MGAT5: variants seen among roughly 807,000 people sequenced by gnomAD.
MGAT5 encodes the protein alpha-1,6-mannosylglycoprotein 6-beta-N-acetylglucosaminyltransferase.
In MGAT5, 30 loss-of-function variants were observed where a neutral mutation model predicts 94.3. The ratio of observed to expected loss-of-function variants is 0.32; its 90% CI spans 0.24 to 0.43. The LOEUF (loss-of-function observed/expected upper bound fraction) is 0.43, where lower values mean the gene tolerates loss of function less well. Among genes scored for constraint, MGAT5 ranks in the 20% least tolerant of loss-of-function variants. The probability of loss-of-function intolerance (pLI) is 1.00; values close to 1 mark genes in which losing one functional copy is unlikely to be tolerated. For missense variants in MGAT5, 691 were observed against 905.5 expected, an observed-to-expected ratio of 0.76 and a Z score of 3.04; for synonymous variants, 310 against 322.9, an observed-to-expected ratio of 0.96 and a Z score of 0.43.
At chr2:134,279,435 G>A (rs1444359898) in intron 2 of MGAT5, among the ~76,000 whole-genome samples, 1 of 152,156 alleles carries the variant, frequency 6.6e-6, no homozygotes, top group East Asian at 1.9e-4. Context: ...CTACCTGAGA[G>A]GTTGCTTTGA....
At chr2:134,396,984 T>A (rs1682750978) in intron 10 of MGAT5, among the ~76,000 whole-genome samples, 1 of 152,186 alleles carries the variant, frequency 6.6e-6, no homozygotes, top group African/African-American at 2.4e-5. Flanking sequence ...TTTTGGGCAT[T>A]AGCAGTGGCA....
intron 1 of MGAT5, among the ~76,000 whole-genome samples, chr2:134,263,083 C>A (rs1212329015): frequency 5.9e-5 from 9 of 152,144 alleles, no homozygotes; most frequent in Non-Finnish European, 1.0e-4. Context: ...AAGCAGGAAG[C>A]AGTAGTGTGC....
chr2:134,125,837 C>T (rs1685815137), intron 1 of MGAT5, among the ~76,000 whole-genome samples: 1 of 152,180 alleles, frequency 6.6e-6, no homozygotes, highest in Admixed American at 6.5e-5. Context: ...GGTTCCCTTT[C>T]TCATGTCACC....
chr2:134,387,332 A>ATATTTTTT lies in MGAT5; in HGVS notation c.1381-15655_1381-15654insATTTTTTT. On this transcript the variant is annotated intron_variant, in intron 10 of 15. Transcript: ENST00000281923. Reference sequence around the variant, plus strand: ...TATATATATATATATATATATATATATTTTTTTTTTTTTTTTTTTTTACCA... The same window carrying ATATTTTTT: ...TATATATATATATATATATATATATATATTTTTTTTTTTTTTTTTTTTTTTTTTTACCA... Among the ~76,000 whole-genome samples, 15 of 24,264 alleles carry ATATTTTTT rather than the reference A, an allele frequency of 6.2e-4. 1 individual carries two copies. The highest frequency in any genetic ancestry group is 3.4e-3 in the South Asian group (1 of 292). The allele number at this position is 24,264 out of a possible 152,430, so 15.9% of individuals were successfully genotyped here. A position where few individuals can be genotyped will look rare whatever the true frequency, so the allele number is the denominator to read the frequency against.
At chr2:134,390,988 C>T (rs1012091606) in intron 10 of MGAT5, among the ~76,000 whole-genome samples, 1 of 152,098 alleles carries the variant, frequency 6.6e-6, no homozygotes, top group African/African-American at 2.4e-5. Context: ...TTCTTGGACT[C>T]CTATTTCTTT....
At chr2:134,305,060 G>C (rs1001727841) in intron 2 of MGAT5, among the ~76,000 whole-genome samples, 3 of 151,364 alleles carry the variant, frequency 2.0e-5, no homozygotes, top group Non-Finnish European at 4.4e-5. Context: ...GTGGGTGTTT[G>C]AAATATTCTG....
In MGAT5 at chr2:134,254,479, G is replaced by A; in HGVS notation, c.76G>A (p.Gly26Ser). The A allele has an allele frequency of 6.2e-7, 1 of 1,614,162 alleles. No individual in the cohort carries two copies. Among genetic ancestry groups the A allele is most frequent in the African/African-American group, 1.3e-5 (1 of 75,038 alleles). The change falls in exon 1 of 16, where the codon GGT becomes AGT. Residue 26 changes from glycine to serine, a missense_variant. By Grantham distance (56) the Gly-to-Ser change is moderately conservative. Transcript: ENST00000281923. ...CCTGGTGACTTTTGGCTTCATTTGG[G>A]GTATGATGCTTCTGCACTTTACCAT... ...FFLVTFGFIW[G>S]MMLLHFTIQQ...
chr2:134,449,074 G>T lies in MGAT5; in HGVS notation c.*227G>T, dbSNP rs1463931947. 3.5e-6 allele frequency: 2 copies of T among 564,508 alleles called. No individual in the cohort carries two copies. The highest frequency in any genetic ancestry group is 6.3e-6 in the Non-Finnish European group (2 of 315,584). The allele number at this position is 564,508 out of a possible 1,614,324, so 35.0% of individuals were successfully genotyped here. A position where few individuals can be genotyped will look rare whatever the true frequency, so the allele number is the denominator to read the frequency against. On this transcript the variant is annotated 3_prime_UTR_variant, in exon 16 of 16. Transcript: ENST00000281923. ...CAGGCCAGGAGCCTGGCTTGTCCCT[G>T]GCACAACATCATTTCTGTTTCTCAA...
At chr2:134,398,737 G>A (rs7557463) in intron 10 of MGAT5, among the ~76,000 whole-genome samples, 147,495 of 152,316 alleles carry the variant, frequency 0.97, 71,530 homozygotes, top group East Asian at 1. Context: ...AATACGATTC[G>A]GCCATTTAAA....
chr2:134,441,840 A>C lies in MGAT5; in HGVS notation c.1952A>C (p.Gln651Pro). 6.2e-7 allele frequency: 1 copy of C among 1,611,784 alleles called. No homozygotes were observed. Among genetic ancestry groups the C allele is most frequent in the Non-Finnish European group, 8.5e-7 (1 of 1,178,670 alleles). ...KLAEPGQSCK[Q>P]VCQESQLICE... ...GCTGAGCCCGGGCAGTCCTGCAAGC[A>C]GGTGTGCCAGGAGAGCCAGCTCATC... is the stretch of plus-strand genomic sequence containing the variant. Residue 651 changes from glutamine to proline, a missense_variant, in exon 15 of 16, where the codon CAG becomes CCG. By Grantham distance (76) the Gln-to-Pro change is moderately conservative. Around this residue, in one of 4 missense-constraint regions of MGAT5, gnomAD observed 260 missense variants for 347.0 expected, o/e 0.75. Transcript: ENST00000281923.
intron 1 of MGAT5, among the ~76,000 whole-genome samples, chr2:134,138,534 C>T (rs1045624307): frequency 2.6e-5 from 4 of 152,252 alleles, no homozygotes; most frequent in African/African-American, 7.2e-5. Flanking sequence ...AATATAGGTC[C>T]TGTCTTCAAC....
At chr2:134,384,177 GGT>G (rs1341228209) in intron 10 of MGAT5, among the ~76,000 whole-genome samples, 1 of 149,724 alleles carries the variant, frequency 6.7e-6, no homozygotes, top group African/African-American at 2.5e-5. Flanking sequence ...GGGACCTCAT[GGT>G]ACACAAAGAC....
intron 1 of MGAT5, among the ~76,000 whole-genome samples, chr2:134,245,002 T>C (rs1682162904): frequency 6.6e-6 from 1 of 152,174 alleles, no homozygotes; most frequent in African/African-American, 2.4e-5. Flanking sequence ...TTTGGTTTAG[T>C]AGTTGTTTTC....
At chr2:134,218,995 G>A (rs1284495474) in intron 1 of MGAT5, among the ~76,000 whole-genome samples, 1 of 152,176 alleles carries the variant, frequency 6.6e-6, no homozygotes, top group Non-Finnish European at 1.5e-5. Context: ...ACAGAGATGA[G>A]TAAGATCCCA....
chr2:134,306,296 A>ATTTT (rs1686326064), intron 2 of MGAT5, among the ~76,000 whole-genome samples: 1 of 152,198 alleles, frequency 6.6e-6, no homozygotes, highest in South Asian at 2.1e-4. Flanking sequence ...TTGCATTAAA[A>ATTTT]AGCACTCTAA....
chr2:134,124,081 C>T (rs1685732827), intron 1 of MGAT5, among the ~76,000 whole-genome samples: 1 of 152,172 alleles, frequency 6.6e-6, no homozygotes, highest in Non-Finnish European at 1.5e-5. Flanking sequence ...AGCATTTTTC[C>T]AGCATCTGCC....
At chr2:134,374,788 T>A (rs1366407057) in intron 10 of MGAT5, among the ~76,000 whole-genome samples, 1 of 151,932 alleles carries the variant, frequency 6.6e-6, no homozygotes, top group Non-Finnish European at 1.5e-5. Flanking sequence ...AGCCTAGGAG[T>A]CTGAGACCAG....
At position 134,348,297 on chromosome 2, in the gene MGAT5, A is replaced by T. The variant is rs144581350; in HGVS notation, c.1113-1508A>T. On this transcript the variant is annotated intron_variant, in intron 8 of 15. Coordinates refer to ENST00000281923, the MANE Select transcript of MGAT5 (RefSeq NM_002410.5). Reference sequence around the variant, plus strand: ...CCACGAGGCCAATGACATATCTTTGATGATACTGTGAAAACTCCCACTGTG... The same window carrying T: ...CCACGAGGCCAATGACATATCTTTGTTGATACTGTGAAAACTCCCACTGTG... Among the ~76,000 whole-genome samples the T allele has an allele frequency of 1.4e-3, 215 of 152,210 alleles. 1 individual carries two copies. Among genetic ancestry groups the T allele is most frequent in the Middle Eastern group, 6.8e-3 (2 of 294 alleles).
intron 9 of MGAT5, among the ~76,000 whole-genome samples, chr2:134,354,836 C>T (rs1011028233): frequency 1.3e-5 from 2 of 152,138 alleles, no homozygotes; most frequent in African/African-American, 4.8e-5. Flanking sequence ...CTTCTAGGCC[C>T]CCATTCCTGC....
Sources: gnomAD v4.1 joint callset for allele counts (sites outside exome capture counted in the v4.1 genomes callset) on GRCh38, gnomAD v4.1.1 for gene constraint, gnomAD v4.1.1 regional missense constraint, MANE v1.5 for transcripts, NCBI Gene and HGNC (gene_info 2026-07-23, HGNC 2026-07-21) for gene names.